The following ABCC4 variants were observed in gnomAD, a reference collection of about 807,000 sequenced individuals.
ABCC4 encodes the protein ATP binding cassette subfamily C member 4 (PEL blood group), also known as ATP-binding cassette sub-family C member 4.
Under a neutral mutation model 168.5 loss-of-function variants are expected in ABCC4, and 102 were observed. That is an observed-to-expected ratio of 0.61 (90% confidence interval 0.52 to 0.71). The LOEUF (loss-of-function observed/expected upper bound fraction) is 0.71, where lower values mean the gene tolerates loss of function less well. Ranked by LOEUF, ABCC4 falls within the 30% of genes least tolerant of loss-of-function variation. The probability of loss-of-function intolerance (pLI) is 0.00; values close to 1 mark genes in which losing one functional copy is unlikely to be tolerated. For missense variants in ABCC4, 1,402 were observed against 1,605.8 expected, an observed-to-expected ratio of 0.87 and a Z score of 2.17; for synonymous variants, 617 against 590.7, an observed-to-expected ratio of 1.04 and a Z score of -0.65.
intron 20 of ABCC4, among the ~76,000 whole-genome samples, chr13:95,094,264 A>G (rs1157337160): frequency 3.3e-5 from 5 of 152,194 alleles, no homozygotes; most frequent in Non-Finnish European, 7.4e-5. Flanking sequence ...GCATCACACT[A>G]CTTGATTTCA....
intron 1 of ABCC4, among the ~76,000 whole-genome samples, chr13:95,268,857 G>T (rs2040760984): frequency 6.6e-6 from 1 of 151,850 alleles, no homozygotes; most frequent in Admixed American, 6.6e-5. Flanking sequence ...GCGGGTCCTG[G>T]CGCGGGTTCT....
chr13:95,298,455 C>T (rs1479086654), intron 1 of ABCC4, among the ~76,000 whole-genome samples: 1 of 152,122 alleles, frequency 6.6e-6, no homozygotes, highest in Non-Finnish European at 1.5e-5. Flanking sequence ...ACCCACACAC[C>T]CAGTGTTTCC....
intron 1 of ABCC4, among the ~76,000 whole-genome samples, chr13:95,264,831 T>A (rs947784318): frequency 5.3e-5 from 8 of 151,222 alleles, no homozygotes; most frequent in African/African-American, 1.7e-4. Context: ...TGCACTAAAA[T>A]TTAGGTATAA....
intron 19 of ABCC4, among the ~76,000 whole-genome samples, chr13:95,137,856 C>T (rs1236028806): frequency 6.6e-6 from 1 of 152,152 alleles, no homozygotes; most frequent in African/African-American, 2.4e-5. Flanking sequence ...ATGTTTTTAA[C>T]ATTGCTGGAA....
intron 30 of ABCC4, among the ~76,000 whole-genome samples, chr13:95,022,163 A>C (rs1231322836): frequency 2.0e-5 from 3 of 152,208 alleles, no homozygotes; most frequent in Non-Finnish European, 2.9e-5. Context: ...TATACGTATG[A>C]AACATCCCGG....
At chr13:95,117,534 A>G (rs1239693850) in intron 19 of ABCC4, among the ~76,000 whole-genome samples, 1 of 152,210 alleles carries the variant, frequency 6.6e-6, no homozygotes, top group East Asian at 1.9e-4. Context: ...GCTATACTTA[A>G]GAAACATTAA....
intron 4 of ABCC4, among the ~76,000 whole-genome samples, chr13:95,213,936 A>C (rs1227349651): frequency 6.6e-6 from 1 of 152,212 alleles, no homozygotes; most frequent in Admixed American, 6.5e-5. Flanking sequence ...ACCTGTAATC[A>C]AAGGAGGGAA....
chr13:95,029,201 TATATATATATATAGAG>T (rs2031714564), intron 30 of ABCC4, among the ~76,000 whole-genome samples: 1 of 66,352 alleles, frequency 1.5e-5, no homozygotes, highest in African/African-American at 6.1e-5. Flanking sequence ...TATATATATA[TATATATATATATAGAG>T]AGAGAGAGAG....
chr13:95,191,681 C>A (rs1359715127), intron 9 of ABCC4, among the ~76,000 whole-genome samples: 1 of 152,218 alleles, frequency 6.6e-6, no homozygotes, highest in Non-Finnish European at 1.5e-5. Flanking sequence ...TCTCTTAAGA[C>A]AACTGAAACC....
At position 95,210,747 on chromosome 13, in the gene ABCC4, G is replaced by T. The variant is rs773232722; in HGVS notation, c.566C>A (p.Thr189Lys). 8 of 1,614,176 alleles carry T rather than the reference G, an allele frequency of 5.0e-6. No homozygotes were observed. In the South Asian group the frequency reaches 8.8e-5, roughly 18 times the overall value. ...LRLSNMAMGKTTTGQIVNLLS... is the reference protein window; with the variant it reads ...LRLSNMAMGKKTTGQIVNLLS... Reference sequence around the variant, plus strand: ...CAGATTGACTATCTGGCCTGTGGTTGTCTTCCCCATGGCCATGTTACTAAG... The same window carrying T: ...CAGATTGACTATCTGGCCTGTGGTTTTCTTCCCCATGGCCATGTTACTAAG... The change falls in exon 5 of 31, where the codon ACA (threonine) becomes AAA (lysine). Residue 189 changes from threonine to lysine, a missense_variant. Physicochemically the swap from Thr to Lys is moderately conservative, Grantham distance 78. Transcript: ENST00000645237.
chr13:95,123,380 G>C (rs925196961), intron 19 of ABCC4, among the ~76,000 whole-genome samples: 3 of 151,914 alleles, frequency 2.0e-5, no homozygotes, highest in Non-Finnish European at 4.4e-5. Context: ...TTTTTTTGCG[G>C]GGGACGAAGT....
chr13:95,242,142 G>T (rs937907067), intron 3 of ABCC4, among the ~76,000 whole-genome samples: 1 of 152,028 alleles, frequency 6.6e-6, no homozygotes, highest in Non-Finnish European at 1.5e-5. Context: ...TCCAAAATAC[G>T]AAGATCCACA....
chr13:95,070,451 C>A, intron 25 of ABCC4, among the ~76,000 whole-genome samples: 1 of 152,056 alleles, frequency 6.6e-6, no homozygotes, highest in East Asian at 1.9e-4. Context: ...CTTGTTTGTT[C>A]TGGTTTAGTT....
intron 19 of ABCC4, among the ~76,000 whole-genome samples, chr13:95,140,854 G>A (rs1409614925): frequency 6.6e-6 from 1 of 152,124 alleles, no homozygotes; most frequent in African/African-American, 2.4e-5. Context: ...TAACCTACAG[G>A]AACAAATATT....
chr13:95,032,982 T>TTTG (rs2031951735), intron 30 of ABCC4, among the ~76,000 whole-genome samples: 1 of 142,780 alleles, frequency 7.0e-6, no homozygotes, highest in Non-Finnish European at 1.5e-5. Flanking sequence ...TTTTTTTTTT[T>TTTG]TTTTTGAGAT....
intron 6 of ABCC4, 73 bp downstream of exon 6, chr13:95,209,361 G>T: frequency 6.6e-7 from 1 of 1,517,222 alleles, no homozygotes; most frequent in South Asian, 1.3e-5. Flanking sequence ...GTTTGTTTCT[G>T]AACAAAAGCA....
In ABCC4 at chr13:95,215,568, T is replaced by C. The variant is rs375983886; in HGVS notation, c.532-4787A>G. Among the ~76,000 whole-genome samples the C allele has an allele frequency of 3.3e-5, 5 of 152,154 alleles. No homozygotes were observed. In the East Asian group the frequency reaches 7.7e-4, roughly 23 times the overall value. ...TTTTACTGTTGCATACTTCTAACTT[T>C]TAAGGTAAAATAGTCCTTATGTTGG... On this transcript the variant is annotated intron_variant, in intron 4 of 30. Coordinates refer to ENST00000645237, the MANE Select transcript of ABCC4 (RefSeq NM_005845.5).
intron 11 of ABCC4, among the ~76,000 whole-genome samples, chr13:95,179,899 A>T (rs1566497663): frequency 6.6e-6 from 1 of 152,206 alleles, no homozygotes; most frequent in Non-Finnish European, 1.5e-5. Flanking sequence ...ATAAACTCAT[A>T]GAATGCCGGA....
chr13:95,226,837 G>C (rs2039480182), intron 4 of ABCC4, among the ~76,000 whole-genome samples: 1 of 152,186 alleles, frequency 6.6e-6, no homozygotes, highest in Non-Finnish European at 1.5e-5. Context: ...CAAGTCCGAA[G>C]GAGTTATTCA....
Sources: allele counts gnomAD v4.1 joint callset (sites outside exome capture counted in the v4.1 genomes callset), GRCh38; gene constraint gnomAD v4.1.1; transcripts MANE v1.5; gene names NCBI Gene and HGNC (gene_info 2026-07-23, HGNC 2026-07-21).